The following WIF1 variants were observed in gnomAD, a reference collection of about 807,000 sequenced individuals.
The protein encoded by WIF1 is Wnt inhibitory factor 1.
A neutral mutation model predicts 53.5 loss-of-function variants in WIF1; 35 were observed. The observed-to-expected ratio is 0.65, with a 90% confidence interval of 0.50 to 0.87. The LOEUF is 0.87. Among genes scored for constraint, WIF1 ranks in the 40% least tolerant of loss-of-function variants. WIF1 has a pLI of 0.00. For missense variants in WIF1, 467 were observed against 476.8 expected (o/e 0.98, Z 0.19); for synonymous variants, 171 against 170.4 (o/e 1.00, Z -0.03).
chr12:65,102,358 T>C (rs1592401912), intron 2 of WIF1, among the ~76,000 whole-genome samples: 1 of 152,168 alleles, frequency 6.6e-6, no homozygotes, highest in East Asian at 1.9e-4. Context: ...CATGGTGTAG[T>C]TCCAGTCTGA....
intron 6 of WIF1, among the ~76,000 whole-genome samples, chr12:65,063,162 G>T (rs564635424): frequency 6.6e-6 from 1 of 152,206 alleles, no homozygotes; most frequent in Non-Finnish European, 1.5e-5. Flanking sequence ...ATAGGTAGGA[G>T]TGTGGCCACA....
chr12:65,087,278 C>A (rs1018700885), intron 2 of WIF1, among the ~76,000 whole-genome samples: 1 of 152,140 alleles, frequency 6.6e-6, no homozygotes, highest in Non-Finnish European at 1.5e-5. Flanking sequence ...TGGTATAGTT[C>A]AGCAAATCAA....
intron 2 of WIF1, among the ~76,000 whole-genome samples, chr12:65,102,664 C>T (rs1883299491): frequency 6.6e-6 from 1 of 152,132 alleles, no homozygotes; most frequent in Non-Finnish European, 1.5e-5. Flanking sequence ...ATGTTTTTGC[C>T]AGTATGTTCA....
intron 2 of WIF1, among the ~76,000 whole-genome samples, chr12:65,119,429 G>A (rs1055838985): frequency 6.6e-6 from 1 of 152,100 alleles, no homozygotes; most frequent in African/African-American, 2.4e-5. Flanking sequence ...GAAAAAGACA[G>A]CTAAAAAGGT....
chr12:65,084,668 A>G (rs1456912701), intron 2 of WIF1, among the ~76,000 whole-genome samples: 2 of 152,214 alleles, frequency 1.3e-5, no homozygotes, highest in African/African-American at 4.8e-5. Flanking sequence ...AGCATTGTGC[A>G]CAGCAAGGCA....
chr12:65,054,484 G>A (rs1882494288), intron 9 of WIF1, among the ~76,000 whole-genome samples: 1 of 152,092 alleles, frequency 6.6e-6, no homozygotes, highest in Non-Finnish European at 1.5e-5. Flanking sequence ...GTGTCATTGT[G>A]TGTCTAAAAT....
intron 2 of WIF1, among the ~76,000 whole-genome samples, chr12:65,102,480 A>G (rs144239367): frequency 6.6e-6 from 1 of 152,170 alleles, no homozygotes; most frequent in African/African-American, 2.4e-5. Context: ...ATTGTTGGAG[A>G]CCCACCCACA....
chr12:65,074,817 CAAAAAAAAAAA>C (rs758690202), intron 3 of WIF1, among the ~76,000 whole-genome samples: 1 of 55,452 alleles, frequency 1.8e-5, no homozygotes, highest in Non-Finnish European at 3.2e-5. Flanking sequence ...CACTCTGTCT[CAAAAAAAAAAA>C]AAAAAAAAAA....
intron 7 of WIF1, among the ~76,000 whole-genome samples, chr12:65,057,895 A>G (rs746994791): frequency 3.3e-5 from 5 of 152,292 alleles, no homozygotes; most frequent in Middle Eastern, 3.4e-3. Flanking sequence ...GACTTTATTC[A>G]TATATAAGTA....
intron 2 of WIF1, among the ~76,000 whole-genome samples, chr12:65,079,240 A>AATG: frequency 6.6e-6 from 1 of 151,942 alleles, no homozygotes. Flanking sequence ...AAAAGGGATC[A>AATG]ATGTTACACC....
chr12:65,089,824 T>C (rs1206947340), intron 2 of WIF1, among the ~76,000 whole-genome samples: 1 of 152,142 alleles, frequency 6.6e-6, no homozygotes, highest in Non-Finnish European at 1.5e-5. Flanking sequence ...CTTTATACTA[T>C]TGTACTTACG....
chr12:65,101,671 T>C (rs1403680109), intron 2 of WIF1, among the ~76,000 whole-genome samples: 3 of 152,232 alleles, frequency 2.0e-5, no homozygotes, highest in South Asian at 2.1e-4. Flanking sequence ...GCAGAAATGA[T>C]AGTGACCGAA....
chr12:65,066,456 A>T (rs1882687972), intron 6 of WIF1, among the ~76,000 whole-genome samples, 185 bp downstream of exon 6: 1 of 152,112 alleles, frequency 6.6e-6, no homozygotes, highest in African/African-American at 2.4e-5. Context: ...GCATTCTGTG[A>T]ATGAAAATAA....
intron 3 of WIF1, among the ~76,000 whole-genome samples, chr12:65,072,180 C>T (rs569312444): frequency 4.6e-5 from 7 of 152,206 alleles, no homozygotes; most frequent in Non-Finnish European, 8.8e-5. Context: ...CTGTGCTCTG[C>T]GCAAACTATT....
intron 2 of WIF1, among the ~76,000 whole-genome samples, chr12:65,081,416 T>C (rs1180204777): frequency 6.6e-6 from 1 of 152,070 alleles, no homozygotes; most frequent in Non-Finnish European, 1.5e-5. Flanking sequence ...AGCCTTCAGG[T>C]ATGACCACAG....
chr12:65,051,544 A>G, intron 9 of WIF1, 74 bp from the exon 10 acceptor site: 1 of 1,436,582 alleles, frequency 7.0e-7, no homozygotes, highest in Non-Finnish European at 9.2e-7. Flanking sequence ...TTAACCATTC[A>G]AATGAAATCC....
chr12:65,062,178 A>G (rs1446495502), intron 7 of WIF1, among the ~76,000 whole-genome samples: 1 of 152,144 alleles, frequency 6.6e-6, no homozygotes, highest in African/African-American at 2.4e-5. Flanking sequence ...GGTTCCACAT[A>G]ATGAGGAGGG....
chr12:65,063,075 A>T (rs1882637578), intron 6 of WIF1, among the ~76,000 whole-genome samples: 1 of 152,156 alleles, frequency 6.6e-6, no homozygotes, highest in Non-Finnish European at 1.5e-5. Context: ...ATTGTTTTTT[A>T]AAAAATATAC....
chr12:65,082,187 T>C (rs2136624235), intron 2 of WIF1, among the ~76,000 whole-genome samples: 1 of 152,066 alleles, frequency 6.6e-6, no homozygotes, highest in African/African-American at 2.4e-5. Flanking sequence ...GACCCAAATC[T>C]CCCCATTGGA....
Sources: allele counts gnomAD v4.1 joint callset (sites outside exome capture counted in the v4.1 genomes callset), GRCh38; gene constraint gnomAD v4.1.1; transcripts MANE v1.5; gene names NCBI Gene and HGNC (gene_info 2026-07-23, HGNC 2026-07-21).